The following PTPRD variants were observed in gnomAD, a reference collection of about 807,000 sequenced individuals.
PTPRD encodes protein tyrosine phosphatase receptor type D.
PTPRD carries 34 observed loss-of-function variants against 214.5 expected under a neutral mutation model. That is an observed-to-expected ratio of 0.16 (90% CI 0.12 to 0.21). The LOEUF is 0.21. PTPRD is among the 10% of genes least tolerant of loss of function. The pLI is 1.00. For synonymous variants in PTPRD, 1,128 were observed against 845.7 expected (o/e 1.33, Z -5.79); for missense variants, 2,545 against 2,398.7 (o/e 1.06, Z -1.27).
intron 3 of PTPRD, among the ~76,000 whole-genome samples, chr9:10,160,376 A>T (rs988875341): frequency 2.0e-5 from 3 of 152,050 alleles, no homozygotes; most frequent in African/African-American, 7.2e-5. Flanking sequence ...ATAAAAGAAA[A>T]GCCCAGAATC....
intron 11 of PTPRD, among the ~76,000 whole-genome samples, chr9:8,862,549 T>C: frequency 6.6e-6 from 1 of 152,236 alleles, no homozygotes; most frequent in East Asian, 1.9e-4. Flanking sequence ...CAGAACTAGC[T>C]GATGATTGAA....
chr9:9,676,457 C>T (rs1232468161), intron 7 of PTPRD, among the ~76,000 whole-genome samples: 1 of 151,926 alleles, frequency 6.6e-6, no homozygotes, highest in Non-Finnish European at 1.5e-5. Context: ...GACATGAACT[C>T]ATCATTTTTT....
chr9:9,878,380 A>G (rs962197045), intron 5 of PTPRD, among the ~76,000 whole-genome samples: 21 of 152,280 alleles, frequency 1.4e-4, no homozygotes, highest in African/African-American at 5.1e-4. Flanking sequence ...TGGGAATGCT[A>G]GCTATCGTGG....
At chr9:9,029,236 G>T (rs988504121) in intron 10 of PTPRD, among the ~76,000 whole-genome samples, 1 of 151,722 alleles carries the variant, frequency 6.6e-6, no homozygotes, top group Admixed American at 6.6e-5. Flanking sequence ...TCATATTTGC[G>T]ACTTGCATTA....
chr9:9,477,845 G>T (rs1251472428), intron 8 of PTPRD, among the ~76,000 whole-genome samples: 1 of 152,034 alleles, frequency 6.6e-6, no homozygotes, highest in South Asian at 2.1e-4. Flanking sequence ...CCAATGTTAA[G>T]GAAGAATAAT....
intron 22 of PTPRD, 63 bp from the exon 23 acceptor site, chr9:8,504,468 A>AT: frequency 6.4e-7 from 1 of 1,557,848 alleles, no homozygotes. Context: ...TTTTAATCAT[A>AT]CTGTCTGGAC....
chr9:8,415,241 A>C (rs530301975), intron 35 of PTPRD, among the ~76,000 whole-genome samples: 2 of 152,326 alleles, frequency 1.3e-5, no homozygotes, highest in South Asian at 4.1e-4. Context: ...TTCTCAGCAC[A>C]CATTTACTGT....
chr9:8,961,286 T>C (rs576964308), intron 11 of PTPRD, among the ~76,000 whole-genome samples: 14 of 152,238 alleles, frequency 9.2e-5, no homozygotes, highest in African/African-American at 3.1e-4. Context: ...CACAATGGTA[T>C]CTTTGTGGAT....
At chr9:10,024,898 G>T (rs1035612782) in intron 4 of PTPRD, among the ~76,000 whole-genome samples, 20 of 150,516 alleles carry the variant, frequency 1.3e-4, no homozygotes, top group African/African-American at 4.9e-4. Flanking sequence ...TTCTGTCCGT[G>T]CGATAGTTTG....
rs554367559 is a variant in PTPRD, at chr9:10,523,622, T to TATATATATATATATATATATATATAC, written c.-600+88775_-600+88776insGTATATATATATATATATATATATAT. 7.6e-5 allele frequency among the ~76,000 whole-genome samples: 10 copies of TATATATATATATATATATATATATAC among 131,388 alleles called. No individual in the cohort carries two copies. In the South Asian group the frequency reaches 1.2e-3, roughly 16 times the overall value. The allele number at this position is 131,388 out of a possible 152,430, so 86.2% of individuals were successfully genotyped here. On this transcript the variant is annotated intron_variant, in intron 2 of 45. Coordinates refer to ENST00000381196, the MANE Select transcript of PTPRD (RefSeq NM_002839.4). ...ATCTGTATATATATATATATATATA[T>TATATATATATATATATATATATATAC]AGACAGAAAGAAAGGGAGAGAGAGA...
chr9:10,435,175 G>A lies in PTPRD; in HGVS notation c.-599-94158C>T, dbSNP rs77794070. ...GGCACTATTTGAGCAAAGTTCAAAAGTACAATCTGTGGAAACTGAACAAGA... is the reference window on the plus strand; with the variant it reads ...GGCACTATTTGAGCAAAGTTCAAAAATACAATCTGTGGAAACTGAACAAGA... On this transcript the variant is annotated intron_variant, in intron 2 of 45. Transcript: ENST00000381196. 5.8e-3 allele frequency among the ~76,000 whole-genome samples: 885 copies of A among 151,978 alleles called. 6 individuals are homozygous for A. Among genetic ancestry groups the A allele is most frequent in the Non-Finnish European group, 8.3e-3 (561 of 67,914 alleles).
rs117619936 is a variant in PTPRD at position 9,438,713 on chromosome 9, G to C, written c.-236-41231C>G. On this transcript the variant is annotated intron_variant, in intron 8 of 45. Transcript: ENST00000381196. ...TAAAAAGTTAAACATTATCTTTACAGTTCTTCCAAAATTGCAATTTGAGAA... is the reference window on the plus strand; with the variant it reads ...TAAAAAGTTAAACATTATCTTTACACTTCTTCCAAAATTGCAATTTGAGAA... Among the ~76,000 whole-genome samples, 125 of 152,204 alleles carry C rather than the reference G, an allele frequency of 8.2e-4. 1 individual carries two copies. The East Asian group carries it at 0.022, about 27-fold the overall frequency.
intron 2 of PTPRD, among the ~76,000 whole-genome samples, chr9:10,470,020 G>A (rs1176076030): frequency 6.6e-6 from 1 of 151,924 alleles, no homozygotes; most frequent in Non-Finnish European, 1.5e-5. Flanking sequence ...TTGGGAGGGG[G>A]AATAAAGAGG....
intron 11 of PTPRD, among the ~76,000 whole-genome samples, chr9:8,832,080 G>A (rs541629426): frequency 1.3e-4 from 19 of 149,152 alleles, no homozygotes; most frequent in Non-Finnish European, 2.2e-4. Flanking sequence ...AACAGTAGCC[G>A]GTGATTTAAA....
chr9:8,357,589 AG>A (rs1419036810), intron 39 of PTPRD, among the ~76,000 whole-genome samples: 3 of 152,214 alleles, frequency 2.0e-5, no homozygotes, highest in Non-Finnish European at 4.4e-5. Flanking sequence ...TGTGGTGAGC[AG>A]GGAAGAACAA....
At chr9:9,587,861 G>C (rs2092259477) in intron 7 of PTPRD, among the ~76,000 whole-genome samples, 1 of 151,950 alleles carries the variant, frequency 6.6e-6, no homozygotes, top group Admixed American at 6.6e-5. Context: ...TTGGTGGTTG[G>C]AATTGGAGGA....
intron 43 of PTPRD, among the ~76,000 whole-genome samples, chr9:8,332,447 G>GCAAA (rs1047925105): frequency 2.6e-5 from 4 of 152,114 alleles, no homozygotes; most frequent in East Asian, 1.9e-4. Flanking sequence ...ACGACTATTA[G>GCAAA]CAAACAAATG....
At chr9:9,577,161 G>A (rs2089155636) in intron 7 of PTPRD, among the ~76,000 whole-genome samples, 1 of 152,090 alleles carries the variant, frequency 6.6e-6, no homozygotes, top group African/African-American at 2.4e-5. Context: ...AATCAGATAG[G>A]TAATTTTAGG....
At chr9:10,456,961 T>C (rs557094795) in intron 2 of PTPRD, among the ~76,000 whole-genome samples, 7 of 152,084 alleles carry the variant, frequency 4.6e-5, no homozygotes, top group African/African-American at 1.7e-4. Context: ...TGACTTTATA[T>C]GAAGTACTGT....
Sources: allele counts gnomAD v4.1 joint callset (sites outside exome capture counted in the v4.1 genomes callset), GRCh38; gene constraint gnomAD v4.1.1; transcripts MANE v1.5; gene names NCBI Gene and HGNC (gene_info 2026-07-23, HGNC 2026-07-21).